The following DAPK1 variants were observed in gnomAD, a reference collection of about 807,000 sequenced individuals.
DAPK1 encodes death-associated protein kinase 1.
DAPK1 carries 56 observed loss-of-function variants against 144.9 expected under a neutral mutation model. That is an observed-to-expected ratio of 0.39 (90% CI 0.31 to 0.48). The LOEUF (loss-of-function observed/expected upper bound fraction) is 0.48, where lower values mean the gene tolerates loss of function less well. DAPK1 is among the 20% of genes least tolerant of loss of function. The pLI is 0.95. For synonymous variants in DAPK1, 690 were observed against 749.0 expected (o/e 0.92, Z 1.29); for missense variants, 1,454 against 1,875.4 (o/e 0.78, Z 4.15).
chr9:87,633,767 A>G (rs1010594867), intron 3 of DAPK1, among the ~76,000 whole-genome samples: 4 of 152,228 alleles, frequency 2.6e-5, no homozygotes, highest in African/African-American at 9.6e-5. Context: ...AAACAAGCCC[A>G]GTTCAAGATG....
intron 2 of DAPK1, chr9:87,553,945 C>G (rs1164884351): frequency 2.0e-5 from 3 of 152,162 alleles, no homozygotes; most frequent in Non-Finnish European, 4.4e-5. Context: ...TTCACTAGAA[C>G]AACAAAAGGG....
At chr9:87,507,041 A>C (rs1053191571) in intron 2 of DAPK1, 4 of 152,252 alleles carry the variant, frequency 2.6e-5, no homozygotes, top group Non-Finnish European at 4.4e-5. Flanking sequence ...AATCCAAAAC[A>C]AAACAAAACA....
At chr9:87,566,299 G>A (rs1308827055) in intron 2 of DAPK1, among the ~76,000 whole-genome samples, 1 of 152,126 alleles carries the variant, frequency 6.6e-6, no homozygotes, top group Non-Finnish European at 1.5e-5. Context: ...GGGATTACAG[G>A]TGTGAGCCAC....
At chr9:87,675,051 A>C (rs1824313847) in intron 19 of DAPK1, among the ~76,000 whole-genome samples, 1 of 152,194 alleles carries the variant, frequency 6.6e-6, no homozygotes, top group South Asian at 2.1e-4. Context: ...AAAATGTGTA[A>C]GTCAGGTCAA....
chr9:87,622,214 C>T (rs1004004282), intron 3 of DAPK1, among the ~76,000 whole-genome samples: 1 of 152,080 alleles, frequency 6.6e-6, no homozygotes, highest in African/African-American at 2.4e-5. Context: ...CTCCCTATCC[C>T]CTGTGGAAAC....
intron 2 of DAPK1, among the ~76,000 whole-genome samples, chr9:87,593,421 ACATCTTTCTTTGTT>A (rs546396564): frequency 0.01 from 1,540 of 152,326 alleles, 11 homozygotes; most frequent in Non-Finnish European, 0.016. Flanking sequence ...GAATATTTAG[ACATCTTTCTTTGTT>A]CATCTTTCTT....
intron 2 of DAPK1, among the ~76,000 whole-genome samples, chr9:87,533,388 G>A (rs974522159): frequency 3.3e-5 from 5 of 152,168 alleles, no homozygotes; most frequent in African/African-American, 1.2e-4. Context: ...GCATCCAGGG[G>A]CAGGAGAAGG....
chr9:87,687,965 C>T (rs889271037), intron 21 of DAPK1, among the ~76,000 whole-genome samples: 1 of 152,124 alleles, frequency 6.6e-6, no homozygotes, highest in African/African-American at 2.4e-5. Context: ...AATTTCTATG[C>T]AGGTTCTTGC....
intron 11 of DAPK1, 100 bp downstream of exon 11, chr9:87,643,568 T>A: frequency 1.3e-6 from 1 of 789,744 alleles, no homozygotes; most frequent in Non-Finnish European, 2.1e-6. Flanking sequence ...CCTGAAGTTG[T>A]GGAAATGGCA....
At chr9:87,676,615 A>G (rs1228628321) in intron 19 of DAPK1, among the ~76,000 whole-genome samples, 3 of 152,232 alleles carry the variant, frequency 2.0e-5, no homozygotes, top group Admixed American at 6.5e-5. Flanking sequence ...GTAAGTCTAG[A>G]TCAGCGCAGT....
At chr9:87,591,265 T>C (rs867822825) in intron 2 of DAPK1, among the ~76,000 whole-genome samples, 2 of 152,200 alleles carry the variant, frequency 1.3e-5, no homozygotes, top group African/African-American at 4.8e-5. Context: ...TGAAAGCATG[T>C]AGGCAGCTCC....
chr9:87,564,501 A>G (rs1269660795), intron 2 of DAPK1, among the ~76,000 whole-genome samples: 1 of 146,774 alleles, frequency 6.8e-6, no homozygotes, highest in African/African-American at 2.5e-5. Context: ...GGAGGCTGGG[A>G]GGTCCAAGAC....
At chr9:87,528,851 G>A (rs1216571947) in intron 2 of DAPK1, among the ~76,000 whole-genome samples, 1 of 132,580 alleles carries the variant, frequency 7.5e-6, no homozygotes, top group Non-Finnish European at 1.5e-5. Flanking sequence ...CAGCCTGGGT[G>A]ACAGAGCAAG....
chr9:87,668,495 CCTG>C, intron 18 of DAPK1, 99 bp from the exon 19 acceptor site: 1 of 807,332 alleles, frequency 1.2e-6, no homozygotes, highest in Non-Finnish European at 2.2e-6. Flanking sequence ...GCTTCTCACA[CCTG>C]CTATGCTTGT....
chr9:87,497,725 G>T (rs905906265), upstream of DAPK1: 1 of 261,660 alleles, frequency 3.8e-6, no homozygotes, highest in Non-Finnish European at 7.2e-6. Flanking sequence ...GAGGAGCAGC[G>T]AGCGCCGCGC....
intron 3 of DAPK1, among the ~76,000 whole-genome samples, chr9:87,615,556 TCA>T (rs1205518022): frequency 3.3e-5 from 5 of 152,226 alleles, no homozygotes; most frequent in Non-Finnish European, 7.3e-5. Flanking sequence ...GTTGATTATT[TCA>T]AAAATGTAGG....
At position 87,692,238 on chromosome 9, in the gene DAPK1, CTTCTT is replaced by C. The variant is rs1244815835; in HGVS notation, c.2414-4766_2414-4762del. ...GATCCCTTTTGCATTATATAATGAC[CTTCTT>C]TTTTTTTTTTTGACTTAAAGTCTGT... is the stretch of plus-strand genomic sequence containing the variant. On this transcript the variant is annotated intron_variant, in intron 21 of 25. Coordinates refer to ENST00000408954, the MANE Select transcript of DAPK1 (RefSeq NM_004938.4). Among the ~76,000 whole-genome samples, 265 of 84,998 alleles carry C rather than the reference CTTCTT, an allele frequency of 3.1e-3. 2 individuals carry two copies. Among genetic ancestry groups the C allele is most frequent in the Non-Finnish European group, 4.6e-3 (192 of 41,686 alleles). The allele number at this position is 84,998 out of a possible 152,430, so 55.8% of individuals were successfully genotyped here.
At chr9:87,519,922 C>T (rs79613791) in intron 2 of DAPK1, among the ~76,000 whole-genome samples, 3,078 of 151,734 alleles carry the variant, frequency 0.02, 107 homozygotes, top group African/African-American at 0.064. Flanking sequence ...ACACTAGGGA[C>T]GAGGCTGTCA....
chr9:87,540,029 C>A (rs1413665469), intron 2 of DAPK1, among the ~76,000 whole-genome samples: 1 of 151,526 alleles, frequency 6.6e-6, no homozygotes, highest in Admixed American at 6.6e-5. Context: ...TGGAAGTTCT[C>A]GACTTAAGGA....
Sources: allele counts gnomAD v4.1 joint callset (sites outside exome capture counted in the v4.1 genomes callset), GRCh38; gene constraint gnomAD v4.1.1; transcripts MANE v1.5; gene names NCBI Gene and HGNC (gene_info 2026-07-23, HGNC 2026-07-21).